The following CASKIN1 variants were observed in gnomAD, a reference collection of about 807,000 sequenced individuals.
CASKIN1 encodes CASK interacting protein 1, also known as caskin-1.
In CASKIN1, 42 loss-of-function variants were observed where a neutral mutation model predicts 117.5. The ratio of observed to expected loss-of-function variants is 0.36; its 90% CI spans 0.28 to 0.46. The LOEUF is 0.46. Ranked by LOEUF, CASKIN1 falls within the 20% of genes least tolerant of loss-of-function variation. The pLI, the probability that CASKIN1 is intolerant of heterozygous loss-of-function variation, is 1.00. For synonymous variants in CASKIN1, 1,148 were observed against 961.7 expected, an observed-to-expected ratio of 1.19 and a Z score of -3.59; for missense variants, 2,083 against 2,077.3, an observed-to-expected ratio of 1.00 and a Z score of -0.05.
intron 6 of CASKIN1, chr16:2,188,818 G>T (rs1397860159): frequency 1.5e-6 from 1 of 650,000 alleles, no homozygotes; most frequent in Non-Finnish European, 2.5e-6. Context: ...GGTGGGGCTG[G>T]GACAGAGACG....
At position 2,180,324 on chromosome 16, in the gene CASKIN1, C is replaced by G. The variant is rs2093163011; in HGVS notation, c.3044G>C (p.Gly1015Ala). ...AGGCCTGCGGGCAGCCCGGCCCCCA[C>G]CCCCAATGGAGGACAGCTCCAGCAT... The part of the protein sequence containing the change: ...AAMLELSSIG[G>A]GGRAARRPPE... Residue 1015 changes from glycine (G) to alanine (A), a missense_variant, in exon 18 of 20, where the codon GGT (glycine) becomes GCT (alanine). Physicochemically the swap from Gly to Ala is moderately conservative, Grantham distance 60. This residue lies in a region of CASKIN1 where 1,818 missense variants were observed against 1,688.9 expected (regional missense o/e 1.08). Transcript: ENST00000343516. 46 of 1,597,116 alleles carry G rather than the reference C, an allele frequency of 2.9e-5. No individual in the cohort carries two copies. The highest frequency in any genetic ancestry group is 3.9e-5 in the Non-Finnish European group (46 of 1,177,080).
At chr16:2,188,508 AC>A (rs2093191511) in intron 6 of CASKIN1, among the ~76,000 whole-genome samples, 1 of 150,822 alleles carries the variant, frequency 6.6e-6, no homozygotes, top group African/African-American at 2.4e-5. Context: ...GTGCCAACAC[AC>A]CCGGCTAGTT....
intron 1 of CASKIN1, among the ~76,000 whole-genome samples, chr16:2,193,559 C>G (rs1447067504): frequency 6.6e-6 from 1 of 152,212 alleles, no homozygotes; most frequent in Non-Finnish European, 1.5e-5. Context: ...CAAGCCAGGC[C>G]CTGTCCTCCC....
intron 16 of CASKIN1, among the ~76,000 whole-genome samples, chr16:2,183,095 G>T (rs1422004011): frequency 1.3e-5 from 2 of 152,228 alleles, no homozygotes; most frequent in Non-Finnish European, 2.9e-5. Context: ...CCGCACCTCC[G>T]TGTTAATGAC....
Position 2,189,567 on chromosome 16 carries a change from G to A in CASKIN1, c.245-3C>T, listed in dbSNP as rs1329670022. ...CGCATAGTGCAGCGGCCGCATGCCT[G>A]GGGGGCGAGGGGATGCTGGGAGCTG... On this transcript the variant is annotated splice_region_variant and splice_polypyrimidine_tract_variant and intron_variant, in intron 3 of 19. Transcript: ENST00000343516. 1.3e-6 allele frequency: 2 copies of A among 1,594,686 alleles called. No homozygotes were observed. Among genetic ancestry groups the A allele is most frequent in the African/African-American group, 1.3e-5 (1 of 74,512 alleles).
Position 2,196,279 on chromosome 16 carries a change from C to T in CASKIN1, c.94+60G>A. On this transcript the variant is annotated intron_variant, in intron 1 of 19. Transcript: ENST00000343516. This position sits in a 1 kb window ranked among gnomAD's most constrained non-coding sequence, Gnocchi z 5.7. Reference sequence around the variant, plus strand: ...TCCCCGCCCGGCGCCGGGTGGGGGGCTCCGCGCCGGGGAGGGGCCCCCGGG... The same window carrying T: ...TCCCCGCCCGGCGCCGGGTGGGGGGTTCCGCGCCGGGGAGGGGCCCCCGGG... The T allele has an allele frequency of 2.6e-6, 2 of 765,010 alleles. No homozygotes were observed. Among genetic ancestry groups the T allele is most frequent in the Non-Finnish European group, 3.4e-6 (2 of 592,498 alleles). The allele number at this position is 765,010 out of a possible 1,614,324, so 47.4% of individuals were successfully genotyped here.
In CASKIN1 at chr16:2,181,598, C is replaced by T; in HGVS notation, c.1770G>A (p.Gly590=). Residue 590 remains glycine, a splice_region_variant and synonymous_variant, in exon 18 of 20, where the codon GGG becomes GGA. Coordinates refer to ENST00000343516, the MANE Select transcript of CASKIN1 (RefSeq NM_020764.4). ...DLQEIGITKL[G]HQKKLMLAVR... Reference sequence around the variant, plus strand: ...CAGCGAGCATCAGCTTCTTCTGGTGCCCTGAGTGGGGCGCAGGGGGCAGGT... The same window carrying T: ...CAGCGAGCATCAGCTTCTTCTGGTGTCCTGAGTGGGGCGCAGGGGGCAGGT... 1 of 1,555,992 alleles carries T rather than the reference C, an allele frequency of 6.4e-7. No homozygotes were observed. Among genetic ancestry groups the T allele is most frequent in the South Asian group, 1.2e-5 (1 of 85,468 alleles).
rs1433436088 is a variant in CASKIN1 at position 2,182,287 on chromosome 16, A to G, written c.1630-358T>C. Among the ~76,000 whole-genome samples the G allele has an allele frequency of 3.3e-5, 5 of 152,068 alleles. No individual in the cohort carries two copies. In the East Asian group the frequency reaches 9.6e-4, roughly 29 times the overall value. On this transcript the variant is annotated intron_variant, in intron 16 of 19. Transcript: ENST00000343516. The surrounding 1 kb of genome is among the most constrained non-coding windows in gnomAD (Gnocchi z 4.1). ...ACAGACGCATGGGGCCACACCTGGTACAGGAACACGCACATGATTTGCACG... is the reference window on the plus strand; with the variant it reads ...ACAGACGCATGGGGCCACACCTGGTGCAGGAACACGCACATGATTTGCACG...
In CASKIN1 at chr16:2,184,988, C is replaced by G. The variant is rs748186385; in HGVS notation, c.1287G>C (p.Pro429=). Residue 429 remains proline, a synonymous_variant, in exon 13 of 20, where the codon CCG becomes CCC. Transcript: ENST00000343516. ...CCGGAGGCTTGGCGGGGCTGTCCCCCGGGCCGGACTCAGAGACGGACTTCT... is the reference window on the plus strand; with the variant it reads ...CCGGAGGCTTGGCGGGGCTGTCCCCGGGGCCGGACTCAGAGACGGACTTCT... The part of the protein sequence containing the change: ...LSQKSVSESG[P]GDSPAKPPEG... The G allele has an allele frequency of 3.1e-6, 5 of 1,607,998 alleles. No homozygotes were observed. The highest frequency in any genetic ancestry group is 2.2e-5 in the East Asian group (1 of 44,718).
At chr16:2,193,725 A>G (rs1243394821) in intron 1 of CASKIN1, among the ~76,000 whole-genome samples, 2 of 152,226 alleles carry the variant, frequency 1.3e-5, no homozygotes, top group African/African-American at 2.4e-5. Flanking sequence ...CCCCCATGTG[A>G]GGAGGGGTGC....
Position 2,181,798 on chromosome 16 carries a change from G to C in CASKIN1, c.1761C>G (p.Thr587=). 6.2e-7 allele frequency: 1 copy of C among 1,613,104 alleles called. No individual in the cohort carries two copies. The highest frequency in any genetic ancestry group is 8.5e-7 in the Non-Finnish European group (1 of 1,179,840). The change falls in exon 17 of 20, where the codon ACC becomes ACG. Residue 587 remains threonine (T), a synonymous_variant. Transcript: ENST00000343516. ...CTGGGGCTGGGGCCTCACCCAGCTT[G>C]GTGATGCCGATCTCCTGCAGGTCCT... ...TWEDLQEIGI[T]KLGHQKKLML...
intron 10 of CASKIN1, among the ~76,000 whole-genome samples, chr16:2,185,793 C>A (rs938548225): frequency 1.1e-4 from 16 of 152,224 alleles, no homozygotes; most frequent in Non-Finnish European, 1.9e-4. Flanking sequence ...ACCTCCAGGT[C>A]CTCCATCAGC....
At position 2,185,049 on chromosome 16, in the gene CASKIN1, AC is replaced by A; in HGVS notation, c.1240-15del. On this transcript the variant is annotated splice_polypyrimidine_tract_variant and intron_variant, in intron 12 of 19. Coordinates refer to ENST00000343516, the MANE Select transcript of CASKIN1 (RefSeq NM_020764.4). ...CGTTGCCAGGAGCTGCAACCCAGAA[AC>A]CCCGGCTTGTCACCTGCTCCCAGCC... 6.2e-7 allele frequency: 1 copy of A among 1,606,698 alleles called. No individual in the cohort carries two copies. The highest frequency in any genetic ancestry group is 8.5e-7 in the Non-Finnish European group (1 of 1,175,592).
intron 14 of CASKIN1, among the ~76,000 whole-genome samples, chr16:2,184,254 C>A (rs1165163522): frequency 6.6e-6 from 1 of 152,150 alleles, no homozygotes; most frequent in Non-Finnish European, 1.5e-5. Context: ...ACCAGGGACG[C>A]CCCACGCCAT....
Position 2,190,436 on chromosome 16 carries a change from A to C in CASKIN1, c.95-78T>G, listed in dbSNP as rs1370306341. 5 of 1,303,308 alleles carry C rather than the reference A, an allele frequency of 3.8e-6. No individual in the cohort carries two copies. In the East Asian group the frequency reaches 1.0e-4, roughly 26 times the overall value. 80.7% of individuals were successfully genotyped at this position (1,303,308 alleles called of 1,614,324 possible). A position where few individuals can be genotyped will look rare whatever the true frequency, so the allele number is the denominator to read the frequency against. On this transcript the variant is annotated intron_variant, in intron 1 of 19. Transcript: ENST00000343516. ...GGCCTGAGGGCAGGGAGAGGGGGCC[A>C]GCCATCTCCCCGGCAGGCACAAAGC...
Position 2,181,829 on chromosome 16 carries a change from G to T in CASKIN1, c.1730C>A (p.Thr577Asn). Reference protein sequence around the residue: ...YENIDFITDITWEDLQEIGIT... With the variant: ...YENIDFITDINWEDLQEIGIT... ...GCCGATCTCCTGCAGGTCCTCCCAG[G>T]TGATGTCGGTGATGAAATCAATGTT... is the stretch of plus-strand genomic sequence containing the variant. The change falls in exon 17 of 20, where the codon ACC becomes AAC. Residue 577 changes from threonine to asparagine, a missense_variant. Thr to Asn is a moderately conservative substitution (Grantham distance 65). This residue lies in a region of CASKIN1 where 1,818 missense variants were observed against 1,688.9 expected (regional missense o/e 1.08). Transcript: ENST00000343516. 1 of 1,613,706 alleles carries T rather than the reference G, an allele frequency of 6.2e-7. No individual in the cohort carries two copies. The highest frequency in any genetic ancestry group is 1.1e-5 in the South Asian group (1 of 91,088).
At chr16:2,195,958 G>A (rs754579089) in intron 1 of CASKIN1, among the ~76,000 whole-genome samples, 162 of 148,026 alleles carry the variant, frequency 1.1e-3, no homozygotes, top group Non-Finnish European at 1.7e-3. Context: ...CTGTCTTCCC[G>A]GTGCGTGTGG....
At position 2,179,201 on chromosome 16, in the gene CASKIN1, T is replaced by G. The variant is rs1596684524; in HGVS notation, c.3900A>C (p.Ala1300=). 4 of 1,156,814 alleles carry G rather than the reference T, an allele frequency of 3.5e-6. No individual in the cohort carries two copies. The highest frequency in any genetic ancestry group is 4.3e-6 in the Non-Finnish European group (4 of 940,388). The allele number at this position is 1,156,814 out of a possible 1,614,324, so 71.7% of individuals were successfully genotyped here. ...LPSGSAGPSP[A]PSPARQPPAA... ...CGGGCGGCTGTCGCGCGGGCGAGGGTGCGGGTGAAGGGCCGGCGCTGCCCG... is the reference window on the plus strand; with the variant it reads ...CGGGCGGCTGTCGCGCGGGCGAGGGGGCGGGTGAAGGGCCGGCGCTGCCCG... Residue 1300 remains alanine (A), a synonymous_variant, in exon 19 of 20, where the codon GCA becomes GCC. Coordinates refer to ENST00000343516, the MANE Select transcript of CASKIN1 (RefSeq NM_020764.4). The surrounding 1 kb of genome is among the most constrained non-coding windows in gnomAD (Gnocchi z 5.8).
intron 1 of CASKIN1, among the ~76,000 whole-genome samples, chr16:2,191,895 T>C (rs1368712147): frequency 3.9e-5 from 6 of 152,216 alleles, no homozygotes; most frequent in African/African-American, 1.4e-4. Context: ...CAGGCCGGCA[T>C]CTCTGGCAGG....
Sources: gnomAD v4.1 joint callset for allele counts (sites outside exome capture counted in the v4.1 genomes callset) on GRCh38, gnomAD v4.1.1 for gene constraint, gnomAD v4.1.1 regional missense constraint, Gnocchi (gnomAD v3.1) non-coding constraint, MANE v1.5 for transcripts, NCBI Gene and HGNC (gene_info 2026-07-23, HGNC 2026-07-21) for gene names.